Variants in SLCO1B1 observed in about 807,000 individuals in gnomAD.
SLCO1B1 encodes the protein solute carrier organic anion transporter family member 1B1.
In SLCO1B1, 81 loss-of-function variants were observed where a neutral mutation model predicts 70.1. The observed-to-expected ratio is 1.16, with a 90% confidence interval of 0.97 to 1.39. The LOEUF is 1.39. Ranked by LOEUF, SLCO1B1 falls within the 40% of genes most tolerant of loss-of-function variation. The pLI is 0.00. For missense variants in SLCO1B1, 895 were observed against 799.6 expected (o/e 1.12, Z -1.44); for synonymous variants, 283 against 271.5 (o/e 1.04, Z -0.42).
intron 5 of SLCO1B1, among the ~76,000 whole-genome samples, chr12:21,178,111 G>A (rs899266216): frequency 2.0e-5 from 3 of 152,156 alleles, no homozygotes; most frequent in Non-Finnish European, 4.4e-5. Flanking sequence ...CACCTTGATT[G>A]TAATAATCTC....
At chr12:21,178,900 A>C (rs1403281267) in intron 6 of SLCO1B1, 22 bp from the exon 7 acceptor site, 1 of 1,551,302 alleles carries the variant, frequency 6.4e-7, no homozygotes, top group Non-Finnish European at 8.9e-7. Context: ...CATCTAGTAA[A>C]ATTGCTTTAT....
chr12:21,173,196 C>T (rs766246798), intron 3 of SLCO1B1, among the ~76,000 whole-genome samples: 1 of 152,168 alleles, frequency 6.6e-6, no homozygotes, highest in Admixed American at 6.6e-5. Flanking sequence ...GAGCAACCTA[C>T]GTTAGACCTC....
intron 2 of SLCO1B1, among the ~76,000 whole-genome samples, chr12:21,157,695 A>G (rs1015103741): frequency 1.1e-4 from 17 of 148,344 alleles, no homozygotes; most frequent in South Asian, 8.5e-4. Context: ...TCTGCCTCCC[A>G]GGTTCACGCC....
At chr12:21,197,265 A>G in intron 8 of SLCO1B1, 77 bp downstream of exon 8, 2 of 1,528,362 alleles carry the variant, frequency 1.3e-6, no homozygotes, top group Non-Finnish European at 1.8e-6. Context: ...CCAAAATAAT[A>G]AAGCATACCC....
intron 14 of SLCO1B1, 142 bp downstream of exon 14, chr12:21,224,981 C>T (rs1396596863): frequency 3.8e-6 from 2 of 522,488 alleles, no homozygotes; most frequent in Non-Finnish European, 6.6e-6. Context: ...TGGTATCAAG[C>T]AATCTCGTAT....
intron 2 of SLCO1B1, among the ~76,000 whole-genome samples, chr12:21,149,090 C>T (rs1220243833): frequency 6.6e-6 from 1 of 152,110 alleles, no homozygotes; most frequent in African/African-American, 2.4e-5. Context: ...TGAGACTTTG[C>T]TGAAGTTGCT....
At chr12:21,195,034 T>C in intron 7 of SLCO1B1, among the ~76,000 whole-genome samples, 1 of 152,094 alleles carries the variant, frequency 6.6e-6, no homozygotes, top group East Asian at 1.9e-4. Flanking sequence ...CAATGAAGGA[T>C]CAACCCCCAT....
intron 7 of SLCO1B1, among the ~76,000 whole-genome samples, chr12:21,186,889 G>A (rs35236625): frequency 0.12 from 18,579 of 152,030 alleles, 1,514 homozygotes; most frequent in Non-Finnish European, 0.18. Flanking sequence ...AGGAAGGTGA[G>A]GGATCTAAAA....
chr12:21,162,730 G>A (rs1398854195), intron 2 of SLCO1B1, among the ~76,000 whole-genome samples: 1 of 151,980 alleles, frequency 6.6e-6, no homozygotes, highest in South Asian at 2.1e-4. Flanking sequence ...AAATAACTTT[G>A]CATCTCTAAA....
Position 21,202,233 on chromosome 12 carries a change from G to T in SLCO1B1, c.1136-258G>T, listed in dbSNP as rs77076549. On this transcript the variant is annotated intron_variant, in intron 9 of 14. Transcript: ENST00000256958. ...GAGGGGTGGGAAGCAAGGGGAGGAA[G>T]AACATTAGGACAAATACCTAATGCA... Among the ~76,000 whole-genome samples, 1,149 of 152,160 alleles carry T rather than the reference G, an allele frequency of 7.6e-3. 23 individuals carry two copies. The highest frequency in any genetic ancestry group is 0.027 in the African/African-American group (1,107 of 41,498).
chr12:21,155,212 A>G (rs898935063), intron 2 of SLCO1B1, among the ~76,000 whole-genome samples: 1 of 151,844 alleles, frequency 6.6e-6, no homozygotes, highest in African/African-American at 2.4e-5. Flanking sequence ...TAATAATTAA[A>G]TTATTCTCAA....
chr12:21,230,199 G>A (rs1213986694), intron 14 of SLCO1B1, among the ~76,000 whole-genome samples: 2 of 151,892 alleles, frequency 1.3e-5, no homozygotes, highest in Non-Finnish European at 2.9e-5. Flanking sequence ...AACCAGTCTT[G>A]GAAACCTGAG....
chr12:21,180,447 A>G (rs1277169468), intron 7 of SLCO1B1, among the ~76,000 whole-genome samples: 3 of 152,204 alleles, frequency 2.0e-5, no homozygotes, highest in African/African-American at 2.4e-5. Context: ...TGAGCTATTA[A>G]TATTTGTGTG....
intron 1 of SLCO1B1, among the ~76,000 whole-genome samples, chr12:21,137,241 AC>A (rs781400717): frequency 1.4e-4 from 21 of 152,060 alleles, no homozygotes; most frequent in Non-Finnish European, 2.8e-4. Flanking sequence ...GTCCGCCCCT[AC>A]TGGGGGGTGC....
At chr12:21,170,821 T>C (rs1225505063) in intron 2 of SLCO1B1, among the ~76,000 whole-genome samples, 5 of 152,274 alleles carry the variant, frequency 3.3e-5, no homozygotes, top group Non-Finnish European at 4.4e-5. Context: ...GATAGTTTCT[T>C]ATGCAGAAAG....
chr12:21,171,106 G>T (rs980227183), intron 2 of SLCO1B1, among the ~76,000 whole-genome samples: 3 of 152,202 alleles, frequency 2.0e-5, no homozygotes, highest in Non-Finnish European at 4.4e-5. Context: ...TGAGCAGAAA[G>T]GGGTGCAATT....
intron 1 of SLCO1B1, among the ~76,000 whole-genome samples, chr12:21,137,530 A>C (rs1262726341): frequency 2.0e-5 from 3 of 151,944 alleles, no homozygotes; most frequent in African/African-American, 7.2e-5. Context: ...CAACTAACTC[A>C]GCAATGGTGG....
At chr12:21,167,331 A>G (rs6487212) in intron 2 of SLCO1B1, among the ~76,000 whole-genome samples, 152,273 of 152,282 alleles carry the variant, frequency 1, 76,132 homozygotes, top group Middle Eastern at 1. Context: ...ATTAGTAGAC[A>G]GTGAGAGAGG....
intron 2 of SLCO1B1, among the ~76,000 whole-genome samples, chr12:21,143,388 G>A (rs953740540): frequency 6.6e-6 from 1 of 151,802 alleles, no homozygotes; most frequent in South Asian, 2.1e-4. Flanking sequence ...TCTGTAGATA[G>A]AAAGATAATG....
Sources: gnomAD v4.1 joint callset for allele counts (sites outside exome capture counted in the v4.1 genomes callset) on GRCh38, gnomAD v4.1.1 for gene constraint, MANE v1.5 for transcripts, NCBI Gene and HGNC (gene_info 2026-07-23, HGNC 2026-07-21) for gene names.